Variants in KIRREL3 observed in about 807,000 individuals in gnomAD.
The protein encoded by KIRREL3 is kirre like nephrin family adhesion molecule 3.
Under a neutral mutation model 89.7 loss-of-function variants are expected in KIRREL3, and 36 were observed. That is an observed-to-expected ratio of 0.40 (90% CI 0.31 to 0.53). The LOEUF is 0.53. KIRREL3 is among the 20% of genes least tolerant of loss of function. KIRREL3 has a pLI of 0.49. For synonymous variants in KIRREL3, 445 were observed against 441.4 expected (o/e 1.01, Z -0.10); for missense variants, 864 against 1,056.6 (o/e 0.82, Z 2.53).
At position 126,788,609 on chromosome 11, in the gene KIRREL3, G is replaced by A. The variant is rs1477776437; in HGVS notation, c.55+211846C>T. 2.0e-5 allele frequency among the ~76,000 whole-genome samples: 3 copies of A among 152,210 alleles called. No individual in the cohort carries two copies. The highest frequency in any genetic ancestry group is 7.2e-5 in the African/African-American group (3 of 41,460). ...AGAAGGACCTATGTTCTGCCAGGCT[G>A]TGCTGCAGTTGCTATGTCTTGGGTT... On this transcript the variant is annotated intron_variant, in intron 1 of 16. Transcript: ENST00000525144. This position sits in a 1 kb window ranked among gnomAD's most constrained non-coding sequence, Gnocchi z 4.1.
rs1404079355 is a variant in KIRREL3, at chr11:126,441,990, T to G, written c.1253-1441A>C. 6.6e-6 allele frequency among the ~76,000 whole-genome samples: 1 copy of G among 152,104 alleles called. No homozygotes were observed. Among genetic ancestry groups the G allele is most frequent in the Non-Finnish European group, 1.5e-5 (1 of 68,020 alleles). On this transcript the variant is annotated intron_variant, in intron 10 of 16. Coordinates refer to ENST00000525144, the MANE Select transcript of KIRREL3 (RefSeq NM_032531.4). This position sits in a 1 kb window ranked among gnomAD's most constrained non-coding sequence, Gnocchi z 5.0. ...CGTGATGATAATATAAAACCTTTTC[T>G]GGTCAGGTGCGGTGGCTCACACCTA...
At chr11:126,659,654 C>T (rs548172886) in intron 1 of KIRREL3, among the ~76,000 whole-genome samples, 1 of 152,328 alleles carries the variant, frequency 6.6e-6, no homozygotes, top group Admixed American at 6.5e-5. Context: ...ACTCAAGATG[C>T]TGCCCGAAGT....
rs553938260 is a variant in KIRREL3, at chr11:126,658,183, A to G, written c.56-95271T>C. ...GAATAACAAGTAGTTATTGTCATAC[A>G]AGAAGAATAAGGAAGCTTTTGATGA... On this transcript the variant is annotated intron_variant, in intron 1 of 16. Coordinates refer to ENST00000525144, the MANE Select transcript of KIRREL3 (RefSeq NM_032531.4). Among the ~76,000 whole-genome samples, 9 of 152,356 alleles carry G rather than the reference A, an allele frequency of 5.9e-5. No individual in the cohort carries two copies. The South Asian group carries it at 1.9e-3, about 32-fold the overall frequency.
At position 126,999,698 on chromosome 11, in the gene KIRREL3, C is replaced by T. The variant is rs1950268084; in HGVS notation, c.55+757G>A. Among the ~76,000 whole-genome samples the T allele has an allele frequency of 6.6e-6, 1 of 152,230 alleles. No individual in the cohort carries two copies. Among genetic ancestry groups the T allele is most frequent in the Non-Finnish European group, 1.5e-5 (1 of 68,034 alleles). Reference sequence around the variant, plus strand: ...TTCCCTCTCCTTTCTGCACCACTACCAGCCCCAGGGCTCCCAGTGGCAAGG... The same window carrying T: ...TTCCCTCTCCTTTCTGCACCACTACTAGCCCCAGGGCTCCCAGTGGCAAGG... On this transcript the variant is annotated intron_variant, in intron 1 of 16. Transcript: ENST00000525144. The surrounding 1 kb of genome is among the most constrained non-coding windows in gnomAD (Gnocchi z 5.7).
intron 1 of KIRREL3, among the ~76,000 whole-genome samples, chr11:126,718,351 G>A (rs1948046687): frequency 6.6e-6 from 1 of 151,190 alleles, no homozygotes; most frequent in Admixed American, 6.6e-5. Flanking sequence ...GGTGCAAGTT[G>A]CGGAACCCAA....
Position 126,562,674 on chromosome 11 carries a change from T to C in KIRREL3, c.133+161A>G, listed in dbSNP as rs561876766. Among the ~76,000 whole-genome samples the C allele has an allele frequency of 4.6e-5, 7 of 152,312 alleles. No homozygotes were observed. Among genetic ancestry groups the C allele is most frequent in the African/African-American group, 1.7e-4 (7 of 41,580 alleles). On this transcript the variant is annotated intron_variant, in intron 2 of 16. Transcript: ENST00000525144. The surrounding 1 kb of genome is among the most constrained non-coding windows in gnomAD (Gnocchi z 4.7). ...TTCAGGCATTCACTATGCTTCCCCATGTGATTGTACAAATGGCTTCATGGA... is the reference window on the plus strand; with the variant it reads ...TTCAGGCATTCACTATGCTTCCCCACGTGATTGTACAAATGGCTTCATGGA...
In KIRREL3 at chr11:127,000,503, G is replaced by T; in HGVS notation, c.7C>A (p.Pro3Thr). ...ACGAAGAGCAGATCGAGCTGGAAGG[G>T]TTTCATTCCTTAGCGCAGCGAAGGA... is the stretch of plus-strand genomic sequence containing the variant. MKPFQLDLLFVCF... is the reference protein window; with the variant it reads MKTFQLDLLFVCF... The change falls in exon 1 of 17, where the codon CCC becomes ACC. Residue 3 changes from proline to threonine, a missense_variant. Pro to Thr is a conservative substitution (Grantham distance 38). Coordinates refer to ENST00000525144, the MANE Select transcript of KIRREL3 (RefSeq NM_032531.4). This position sits in a 1 kb window ranked among gnomAD's most constrained non-coding sequence, Gnocchi z 7.1. The T allele has an allele frequency of 2.5e-6, 4 of 1,606,990 alleles. No homozygotes were observed. Among genetic ancestry groups the T allele is most frequent in the Non-Finnish European group, 3.4e-6 (4 of 1,176,760 alleles).
In KIRREL3 at chr11:126,605,180, G is replaced by A. The variant is rs1942834523; in HGVS notation, c.56-42268C>T. 1.3e-5 allele frequency among the ~76,000 whole-genome samples: 2 copies of A among 152,096 alleles called. No individual in the cohort carries two copies. Among genetic ancestry groups the A allele is most frequent in the African/African-American group, 2.4e-5 (1 of 41,410 alleles). On this transcript the variant is annotated intron_variant, in intron 1 of 16. Coordinates refer to ENST00000525144, the MANE Select transcript of KIRREL3 (RefSeq NM_032531.4). This position sits in a 1 kb window ranked among gnomAD's most constrained non-coding sequence, Gnocchi z 5.7. The stretch of plus-strand genomic sequence containing the variant: ...GCTCTCCCATCTGCAGCAGGTTGGG[G>A]CCCCATGGATAACTATATCTAGGGA...
At chr11:126,806,914 T>G (rs1028771501) in intron 1 of KIRREL3, among the ~76,000 whole-genome samples, 1 of 152,096 alleles carries the variant, frequency 6.6e-6, no homozygotes, top group Non-Finnish European at 1.5e-5. Context: ...TTCCCACTTA[T>G]GAGTGAGAAC....
intron 1 of KIRREL3, among the ~76,000 whole-genome samples, chr11:126,658,910 A>T (rs907559653): frequency 1.1e-4 from 16 of 152,214 alleles, no homozygotes; most frequent in Admixed American, 2.0e-4. Flanking sequence ...TCTTTGGAGC[A>T]TGGGAAGTTG....
chr11:126,681,886 T>C (rs912896552), intron 1 of KIRREL3: 1 of 455,454 alleles, frequency 2.2e-6, no homozygotes, highest in African/African-American at 2.0e-5. Context: ...AAATCAAATG[T>C]ACGTTTAGGA....
intron 9 of KIRREL3, among the ~76,000 whole-genome samples, chr11:126,446,214 C>A (rs911925267): frequency 1.3e-5 from 2 of 150,382 alleles, no homozygotes; most frequent in African/African-American, 2.4e-5. Flanking sequence ...CTAACGGTGG[C>A]TTTATTTGGG....
chr11:126,509,258 G>T (rs536515404), intron 4 of KIRREL3, among the ~76,000 whole-genome samples: 2 of 152,258 alleles, frequency 1.3e-5, no homozygotes, highest in South Asian at 4.1e-4. Context: ...GCCCTGTTCT[G>T]CCTGGACTGA....
In KIRREL3 at chr11:126,441,584, A is replaced by G. The variant is rs1955565351; in HGVS notation, c.1253-1035T>C. ...GTCACAGTTGGGACTTAGATGGCAG[A>G]TACCAGAGGAAAGACAGCCGGGAGC... is the stretch of plus-strand genomic sequence containing the variant. On this transcript the variant is annotated intron_variant, in intron 10 of 16. Coordinates refer to ENST00000525144, the MANE Select transcript of KIRREL3 (RefSeq NM_032531.4). This position sits in a 1 kb window ranked among gnomAD's most constrained non-coding sequence, Gnocchi z 5.0. Among the ~76,000 whole-genome samples the G allele has an allele frequency of 6.6e-6, 1 of 152,246 alleles. No individual in the cohort carries two copies. The highest frequency in any genetic ancestry group is 2.4e-5 in the African/African-American group (1 of 41,478).
At chr11:126,532,450 A>T (rs1289316647) in intron 2 of KIRREL3, among the ~76,000 whole-genome samples, 1 of 151,978 alleles carries the variant, frequency 6.6e-6, no homozygotes, top group Non-Finnish European at 1.5e-5. Context: ...TTCTCGGCTC[A>T]CTGCAACCTC....
rs7118937 is a variant in KIRREL3, at chr11:126,666,248, T to C, written c.56-103336A>G. Among the ~76,000 whole-genome samples the C allele has an allele frequency of 0.3, 46,105 of 152,108 alleles. 7,241 individuals carry two copies. Among genetic ancestry groups the C allele is most frequent in the East Asian group, 0.4 (2,041 of 5,162 alleles). On this transcript the variant is annotated intron_variant, in intron 1 of 16. Coordinates refer to ENST00000525144, the MANE Select transcript of KIRREL3 (RefSeq NM_032531.4). The surrounding 1 kb of genome is among the most constrained non-coding windows in gnomAD (Gnocchi z 4.2). The stretch of plus-strand genomic sequence containing the variant: ...CAAGTTATTTCAGGTTTTCTTGTTA[T>C]CCTCCTCCCTGTATCTATAATGGAC...
At chr11:126,524,786 G>A (rs906183782) in intron 3 of KIRREL3, among the ~76,000 whole-genome samples, 2 of 152,124 alleles carry the variant, frequency 1.3e-5, no homozygotes, top group East Asian at 1.9e-4. Flanking sequence ...GAGCTTTCGC[G>A]GTGTTAAGGG....
intron 1 of KIRREL3, among the ~76,000 whole-genome samples, chr11:126,749,185 TGAA>T (rs1949252569): frequency 6.6e-6 from 1 of 152,214 alleles, no homozygotes; most frequent in Admixed American, 6.5e-5. Flanking sequence ...GAGTCAGTGA[TGAA>T]TTCCCTCCGT....
Position 126,463,013 on chromosome 11 carries a change from C to T in KIRREL3, c.742+144G>A, listed in dbSNP as rs1956596743. On this transcript the variant is annotated intron_variant, in intron 6 of 16. Transcript: ENST00000525144. This position sits in a 1 kb window ranked among gnomAD's most constrained non-coding sequence, Gnocchi z 5.9. ...CAGTAAGGAAGACAAGATGGTCCTTCCTGTCCGTATCTACAAGCTGGCCAA... is the reference window on the plus strand; with the variant it reads ...CAGTAAGGAAGACAAGATGGTCCTTTCTGTCCGTATCTACAAGCTGGCCAA... 19 of 715,046 alleles carry T rather than the reference C, an allele frequency of 2.7e-5. No individual in the cohort carries two copies. The South Asian group carries it at 3.7e-4, about 14-fold the overall frequency. The allele number at this position is 715,046 out of a possible 1,614,324, so 44.3% of individuals were successfully genotyped here.
Sources: allele counts gnomAD v4.1 joint callset (sites outside exome capture counted in the v4.1 genomes callset), GRCh38; gene constraint gnomAD v4.1.1; non-coding constraint Gnocchi (gnomAD v3.1); transcripts MANE v1.5; gene names NCBI Gene and HGNC (gene_info 2026-07-23, HGNC 2026-07-21).